CDKL5: variants seen among roughly 807,000 people sequenced by gnomAD.
CDKL5 encodes cyclin dependent kinase like 5, also known as cyclin-dependent kinase-like 5.
CDKL5 carries 8 observed loss-of-function variants against 61.7 expected under a neutral mutation model. The ratio of observed to expected loss-of-function variants is 0.13; its 90% confidence interval spans 0.08 to 0.23. CDKL5 has a LOEUF of 0.23. Ranked by LOEUF, CDKL5 falls within the 10% of genes least tolerant of loss-of-function variation. The pLI, the probability that CDKL5 is intolerant of heterozygous loss-of-function variation, is 1.00. For missense variants in CDKL5, 440 were observed against 734.5 expected (o/e 0.60, Z 4.63); for synonymous variants, 275 against 272.3 (o/e 1.01, Z -0.10).
intron 3 of CDKL5, among the ~76,000 whole-genome samples, chrX:18,528,237 A>ATTTTTTTTTTTTT (rs749197887): frequency 1.5e-5 from 1 of 68,442 alleles, no homozygotes; most frequent in Admixed American, 1.7e-4. Context: ...ACCCATACTC[A>ATTTTTTTTTTTTT]TTTTTTTTTT....
intron 3 of CDKL5, among the ~76,000 whole-genome samples, chrX:18,549,276 A>T (rs1013250677): frequency 9.8e-5 from 11 of 111,777 alleles, no homozygotes; most frequent in Non-Finnish European, 1.9e-4. Flanking sequence ...ACTGACTTCG[A>T]TGGTCTCTAC....
intron 3 of CDKL5, among the ~76,000 whole-genome samples, chrX:18,548,852 C>T (rs1001697975): frequency 1.3e-4 from 15 of 112,016 alleles, no homozygotes; most frequent in African/African-American, 4.2e-4. Flanking sequence ...TAAGCTCGTG[C>T]CTGTTCTAAA....
intron 9 of CDKL5, among the ~76,000 whole-genome samples, chrX:18,591,164 C>T: frequency 9.0e-6 from 1 of 111,700 alleles, no homozygotes. Context: ...TTCTCTCCCA[C>T]AGCATCCTTT....
At chrX:18,462,086 T>C (rs758938767) in intron 1 of CDKL5, among the ~76,000 whole-genome samples, 2 of 108,753 alleles carry the variant, frequency 1.8e-5, no homozygotes, top group African/African-American at 6.7e-5. Context: ...GCGGTTTTTT[T>C]TTTTTTTTCT....
Position 18,634,385 on chromosome X carries a change from T to G in CDKL5, c.*5628T>G. 1.3e-6 allele frequency: 1 copy of G among 754,222 alleles called. No individual in the cohort carries two copies. Among genetic ancestry groups the G allele is most frequent in the Non-Finnish European group, 1.6e-6 (1 of 639,208 alleles). The allele number at this position is 754,222 out of a possible 1,213,427, so 62.2% of individuals were successfully genotyped here. ...AGAAGAAACCCAGGAATAGAAAAGG[T>G]AGATGCCTTGACTTTTGTCCCTGTT... On this transcript the variant is annotated 3_prime_UTR_variant, in exon 18 of 18. Transcript: ENST00000623535.
At position 18,632,117 on chromosome X, in the gene CDKL5, C is replaced by T; in HGVS notation, c.*3360C>T. On this transcript the variant is annotated 3_prime_UTR_variant, in exon 18 of 18. Coordinates refer to ENST00000623535, the MANE Select transcript of CDKL5 (RefSeq NM_001323289.2). Reference sequence around the variant, plus strand: ...TGAGAAACCCTGCCCTACACCATCCCAAGCCCACCAGTCTGCAGAGCTTGG... The same window carrying T: ...TGAGAAACCCTGCCCTACACCATCCTAAGCCCACCAGTCTGCAGAGCTTGG... 1 of 754,091 alleles carries T rather than the reference C, an allele frequency of 1.3e-6. No homozygotes were observed. Among genetic ancestry groups the T allele is most frequent in the Non-Finnish European group, 1.6e-6 (1 of 638,896 alleles). The allele number at this position is 754,091 out of a possible 1,213,427, so 62.1% of individuals were successfully genotyped here. A position where few individuals can be genotyped will look rare whatever the true frequency, so the allele number is the denominator to read the frequency against.
At chrX:18,563,352 C>G (rs1924864654) in intron 3 of CDKL5, among the ~76,000 whole-genome samples, 1 of 111,593 alleles carries the variant, frequency 9.0e-6, no homozygotes, top group African/African-American at 3.3e-5. Flanking sequence ...AGCTGATAAT[C>G]TCCTGCATTA....
intron 9 of CDKL5, among the ~76,000 whole-genome samples, chrX:18,592,545 G>A (rs140750476): frequency 0.01 from 1,154 of 111,714 alleles, 12 homozygotes; most frequent in African/African-American, 0.035. Context: ...TCTAGACAGC[G>A]TGTGATAATG....
rs1430572200 is a variant in CDKL5, at chrX:18,550,647, C to G, written c.100-13830C>G. Among the ~76,000 whole-genome samples, 3 of 112,288 alleles carry G rather than the reference C, an allele frequency of 2.7e-5. No homozygotes were observed. In the Admixed American group the frequency reaches 2.8e-4, roughly 11 times the overall value. ...ATTCTTCATTCACAGTGGAACATAGCTTTTAAGTCCAATGATTATCTGAGG... is the reference window on the plus strand; with the variant it reads ...ATTCTTCATTCACAGTGGAACATAGGTTTTAAGTCCAATGATTATCTGAGG... On this transcript the variant is annotated intron_variant, in intron 3 of 17. Transcript: ENST00000623535.
intron 1 of CDKL5, among the ~76,000 whole-genome samples, chrX:18,473,467 C>T (rs1321903428): frequency 2.7e-5 from 3 of 110,060 alleles, no homozygotes; most frequent in Admixed American, 9.8e-5. Context: ...CCGTTAAAGC[C>T]AGGTGTGGTA....
intron 1 of CDKL5, among the ~76,000 whole-genome samples, chrX:18,467,231 C>T (rs1920969228): frequency 9.0e-6 from 1 of 110,938 alleles, no homozygotes; most frequent in Non-Finnish European, 1.9e-5. Context: ...CATTCATTAT[C>T]TATAAGGAAC....
At chrX:18,550,617 T>G (rs1924352112) in intron 3 of CDKL5, among the ~76,000 whole-genome samples, 1 of 112,311 alleles carries the variant, frequency 8.9e-6, no homozygotes, top group South Asian at 3.7e-4. Context: ...AAATTTAAAT[T>G]TTGTATTCTT....
At chrX:18,598,692 G>T (rs1024714302) in intron 11 of CDKL5, 79 bp downstream of exon 11, 4 of 934,583 alleles carry the variant, frequency 4.3e-6, no homozygotes, top group Non-Finnish European at 6.2e-6. Context: ...CTTAAATGAT[G>T]CAATTAGAGA....
In CDKL5 at chrX:18,604,596, C is replaced by T. The variant is rs373370734; in HGVS notation, c.1672C>T (p.Arg558Cys). Residue 558 changes from arginine (R) to cysteine (C), a missense_variant, in exon 12 of 18, where the codon CGT becomes TGT. Arg to Cys is a radical substitution (Grantham distance 180, BLOSUM62 -3). Coordinates refer to ENST00000623535, the MANE Select transcript of CDKL5 (RefSeq NM_001323289.2). ...NNRNEGTLDS[R>C]RTTTRHSKTM... ...CCGAAATGAGGGAACGCTGGACTCA[C>T]GTCGAACCACAACCAGACATTCTAA... The T allele has an allele frequency of 3.3e-6, 4 of 1,211,907 alleles. No individual in the cohort carries two copies. The highest frequency in any genetic ancestry group is 2.2e-5 in the Admixed American group (1 of 46,068).
intron 3 of CDKL5, among the ~76,000 whole-genome samples, chrX:18,556,854 G>T (rs1358780023): frequency 1.3e-5 from 1 of 77,351 alleles, no homozygotes; most frequent in Non-Finnish European, 2.3e-5. Flanking sequence ...CTGCACTCCA[G>T]CCTGGGAAAC....
At position 18,498,659 on chromosome X, in the gene CDKL5, T is replaced by C. The variant is rs182507108; in HGVS notation, c.-162-8276T>C. On this transcript the variant is annotated intron_variant, in intron 1 of 17. Coordinates refer to ENST00000623535, the MANE Select transcript of CDKL5 (RefSeq NM_001323289.2). ...TATGTTTTCTTCCTTGATTGACATATGGATTATTTTGGGAGTGTATTTATT... is the reference window on the plus strand; with the variant it reads ...TATGTTTTCTTCCTTGATTGACATACGGATTATTTTGGGAGTGTATTTATT... Among the ~76,000 whole-genome samples, 490 of 112,587 alleles carry C rather than the reference T, an allele frequency of 4.4e-3. 2 individuals carry two copies. Among genetic ancestry groups the C allele is most frequent in the Middle Eastern group, 0.042 (9 of 214 alleles).
intron 3 of CDKL5, among the ~76,000 whole-genome samples, chrX:18,533,310 C>T (rs1923710705): frequency 1.8e-5 from 2 of 110,862 alleles, no homozygotes; most frequent in African/African-American, 3.3e-5. Context: ...AAGTAAGGGC[C>T]GTAGAGTGGA....
At chrX:18,440,538 A>G (rs757941695) in intron 1 of CDKL5, among the ~76,000 whole-genome samples, 1 of 111,467 alleles carries the variant, frequency 9.0e-6, no homozygotes, top group South Asian at 3.8e-4. Flanking sequence ...CAATGGCACT[A>G]TCTTGGCTCA....
rs748889380 is a variant in CDKL5 at position 18,634,075 on chromosome X, C to G, written c.*5318C>G. Reference sequence around the variant, plus strand: ...TTCATTTCCCACAAGGTTAAGCTCTCGAAACCCCATTTGATCCTTGGTTCC... The same window carrying G: ...TTCATTTCCCACAAGGTTAAGCTCTGGAAACCCCATTTGATCCTTGGTTCC... On this transcript the variant is annotated 3_prime_UTR_variant, in exon 18 of 18. Transcript: ENST00000623535. The G allele has an allele frequency of 5.1e-5, 38 of 752,353 alleles. No homozygotes were observed. The South Asian group carries it at 1.8e-3, about 36-fold the overall frequency. 62.0% of individuals were successfully genotyped at this position (752,353 alleles called of 1,213,427 possible).
Sources: allele counts gnomAD v4.1 joint callset (sites outside exome capture counted in the v4.1 genomes callset), GRCh38; gene constraint gnomAD v4.1.1; transcripts MANE v1.5; gene names NCBI Gene and HGNC (gene_info 2026-07-23, HGNC 2026-07-21).